Variants in SURF4 observed in about 807,000 individuals in gnomAD.
SURF4 encodes surfeit locus protein 4.
SURF4 carries 3 observed loss-of-function variants against 30.0 expected under a neutral mutation model. The ratio of observed to expected loss-of-function variants is 0.10; its 90% confidence interval spans 0.05 to 0.26. The LOEUF is 0.26. SURF4 is among the 10% of genes least tolerant of loss of function. The pLI, the probability that SURF4 is intolerant of heterozygous loss-of-function variation, is 1.00. For synonymous variants in SURF4, 143 were observed against 139.9 expected (o/e 1.02, Z -0.16); for missense variants, 217 against 350.8 (o/e 0.62, Z 3.05).
At chr9:133,377,929 C>G (rs1172435849), upstream of SURF4, among the ~76,000 whole-genome samples, 1 of 152,172 alleles carries the variant, frequency 6.6e-6, no homozygotes, top group Non-Finnish European at 1.5e-5. Context: ...GAGACAGTGA[C>G]GGATCATCAG....
At chr9:133,365,162 A>G (rs1837092351) in intron 4 of SURF4, 136 bp from the exon 5 acceptor site, 1 of 796,040 alleles carries the variant, frequency 1.3e-6, no homozygotes, top group South Asian at 1.9e-5. Context: ...TGATCTGCCA[A>G]GCAGGACCAG....
In SURF4 at chr9:133,367,251, C is replaced by T. The variant is rs1332248409; in HGVS notation, c.235+8G>A. On this transcript the variant is annotated splice_region_variant and intron_variant, in intron 2 of 5. Transcript: ENST00000371989. The stretch of plus-strand genomic sequence containing the variant: ...CAGTGAATCCTGACCACCCGCAGAG[C>T]CACTCACTCAGCTGTCCCAGCAAGT... 3.7e-6 allele frequency: 6 copies of T among 1,612,814 alleles called. No individual in the cohort carries two copies. In the African/African-American group the frequency reaches 8.0e-5, roughly 22 times the overall value.
intron 1 of SURF4, among the ~76,000 whole-genome samples, chr9:133,373,763 C>T (rs2119175908): frequency 6.6e-6 from 1 of 150,640 alleles, no homozygotes; most frequent in Admixed American, 6.6e-5. Context: ...ACTAAAAATA[C>T]AAAAAAATTA....
chr9:133,366,754 C>A (rs2130132638), intron 2 of SURF4, 79 bp from the exon 3 acceptor site: 93 of 1,379,422 alleles, frequency 6.7e-5, no homozygotes, highest in Admixed American at 2.3e-4. Flanking sequence ...TGCTACCTCA[C>A]CTGGCCCTTA....
chr9:133,376,565 C>A (rs2130249494), upstream of SURF4: 2 of 1,589,484 alleles, frequency 1.3e-6, no homozygotes, highest in East Asian at 2.3e-5. Context: ...TACCAGGTGC[C>A]GAGTGTTCCC....
At chr9:133,367,195 C>T in intron 2 of SURF4, 64 bp downstream of exon 2, 1 of 1,571,470 alleles carries the variant, frequency 6.4e-7, no homozygotes, top group Non-Finnish European at 8.7e-7. Context: ...ACACAGCCTC[C>T]CAACTGCTAA....
chr9:133,377,742 A>G (rs1413085848), upstream of SURF4, among the ~76,000 whole-genome samples: 1 of 152,106 alleles, frequency 6.6e-6, no homozygotes, highest in African/African-American at 2.4e-5. Flanking sequence ...TTTTCCACAG[A>G]TGGAGGCGGG....
intron 1 of SURF4, chr9:133,375,375 A>G: frequency 1.1e-5 from 11 of 985,760 alleles, no homozygotes; most frequent in Non-Finnish European, 1.2e-5. Context: ...AGGGACCCCA[A>G]GAGTCCAGCA....
Position 133,363,656 on chromosome 9 carries a change from T to A in SURF4, c.647A>T (p.Asn216Ile). 6.2e-7 allele frequency: 1 copy of A among 1,614,224 alleles called. No individual in the cohort carries two copies. Among genetic ancestry groups the A allele is most frequent in the Non-Finnish European group, 8.5e-7 (1 of 1,180,038 alleles). ...LTLVVWLFAINVYFNAFWTIP... is the reference protein window; with the variant it reads ...LTLVVWLFAIIVYFNAFWTIP... ...GGTCCAGAAGGCGTTGAAATATACG[T>A]TGATGGCAAAGAGCCACACAACAAG... is the stretch of plus-strand genomic sequence containing the variant. Residue 216 changes from asparagine (N) to isoleucine (I), a missense_variant, in exon 6 of 6, where the codon AAC becomes ATC. Asn to Ile is a moderately radical substitution (Grantham distance 149). Transcript: ENST00000371989. This position sits in a 1 kb window ranked among gnomAD's most constrained non-coding sequence, Gnocchi z 4.3.
chr9:133,364,884 G>C lies in SURF4; in HGVS notation c.499C>G (p.Leu167Val), dbSNP rs2130110928. 1 of 1,614,124 alleles carries C rather than the reference G, an allele frequency of 6.2e-7. No individual in the cohort carries two copies. Among genetic ancestry groups the C allele is most frequent in the Non-Finnish European group, 8.5e-7 (1 of 1,180,014 alleles). ...MQLGGRVLLV[L>V]MFMTLLHFDA... ...AAGTGAAGGAGGGTCATGAACATCA[G>C]AACCAGCAAGACCCTGCCTCCGAGC... Residue 167 changes from leucine to valine, a missense_variant, in exon 5 of 6, where the codon CTG becomes GTG. Leu to Val is a conservative substitution (Grantham distance 32). Transcript: ENST00000371989.
intron 5 of SURF4, among the ~76,000 whole-genome samples, chr9:133,364,362 G>T (rs1837029642): frequency 6.6e-6 from 1 of 152,218 alleles, no homozygotes; most frequent in African/African-American, 2.4e-5. Flanking sequence ...ACACACAAGA[G>T]ATTGACGATG....
At chr9:133,371,565 C>T (rs1837510216) in intron 1 of SURF4, among the ~76,000 whole-genome samples, 1 of 152,230 alleles carries the variant, frequency 6.6e-6, no homozygotes, top group Non-Finnish European at 1.5e-5. Context: ...CCCCGCTAAC[C>T]ACAACCTCCT....
chr9:133,364,709 G>A, intron 5 of SURF4, 131 bp downstream of exon 5: 4 of 659,310 alleles, frequency 6.1e-6, no homozygotes, highest in East Asian at 6.5e-5. Context: ...AAAAAAAAAA[G>A]TTTGCTCCAT....
upstream of SURF4, chr9:133,376,373 T>G: frequency 7.1e-7 from 1 of 1,410,792 alleles, no homozygotes. Flanking sequence ...CCTGAGTGCC[T>G]CGAGGGCGCC....
upstream of SURF4, chr9:133,376,207 C>T (rs1837930706): frequency 7.8e-7 from 1 of 1,278,514 alleles, no homozygotes; most frequent in Non-Finnish European, 9.8e-7. Flanking sequence ...GACCCATCCG[C>T]TCGAAGCCAC....
intron 1 of SURF4, 89 bp from the exon 2 acceptor site, chr9:133,367,534 G>C (rs2130145346): frequency 6.3e-7 from 1 of 1,587,564 alleles, no homozygotes; most frequent in East Asian, 2.3e-5. Flanking sequence ...GGGTGTGTGA[G>C]GAACAGACGC....
Position 133,363,766 on chromosome 9 carries a change from A to AG in SURF4, c.544-8dup. The AG allele has an allele frequency of 6.2e-7, 1 of 1,613,694 alleles. No individual in the cohort carries two copies. Among genetic ancestry groups the AG allele is most frequent in the Non-Finnish European group, 8.5e-7 (1 of 1,179,678 alleles). On this transcript the variant is annotated splice_region_variant and splice_polypyrimidine_tract_variant and intron_variant, in intron 5 of 5. Coordinates refer to ENST00000371989, the MANE Select transcript of SURF4 (RefSeq NM_033161.4). The surrounding 1 kb of genome is among the most constrained non-coding windows in gnomAD (Gnocchi z 4.3). ...CCACGATGTTCTGGACAATCTGCATAGGTTGAAACGTAAGAAATTCAAAAT... is the reference window on the plus strand; with the variant it reads ...CCACGATGTTCTGGACAATCTGCATAGGGTTGAAACGTAAGAAATTCAAAAT...
chr9:133,363,609 G>T lies in SURF4; in HGVS notation c.694C>A (p.His232Asn). 1 of 1,614,198 alleles carries T rather than the reference G, an allele frequency of 6.2e-7. No individual in the cohort carries two copies. ...FWTIPVYKPM[H>N]DFLKYDFFQT... ...AAGAAGTCGTATTTCAGGAAGTCAT[G>T]CATGGGCTTGTAGACTGGAATGGTC... The change falls in exon 6 of 6, where the codon CAT (histidine) becomes AAT (asparagine). Residue 232 changes from histidine (H) to asparagine (N), a missense_variant. By Grantham distance (68) the His-to-Asn change is moderately conservative. Transcript: ENST00000371989. This position sits in a 1 kb window ranked among gnomAD's most constrained non-coding sequence, Gnocchi z 4.3.
In SURF4 at chr9:133,375,987, C is replaced by G; in HGVS notation, c.-18G>C. The G allele has an allele frequency of 1.6e-6, 2 of 1,224,966 alleles. No individual in the cohort carries two copies. The highest frequency in any genetic ancestry group is 2.0e-6 in the Non-Finnish European group (2 of 980,900). The allele number at this position is 1,224,966 out of a possible 1,614,324, so 75.9% of individuals were successfully genotyped here. On this transcript the variant is annotated 5_prime_UTR_variant, in exon 1 of 6. Coordinates refer to ENST00000371989, the MANE Select transcript of SURF4 (RefSeq NM_033161.4). ...TGGCCCATGGCGACGGCGGGAGGCT[C>G]GGCTCGGCTCGCTCGCTCGCTCGCT...
Sources: allele counts gnomAD v4.1 joint callset (sites outside exome capture counted in the v4.1 genomes callset), GRCh38; gene constraint gnomAD v4.1.1; non-coding constraint Gnocchi (gnomAD v3.1); transcripts MANE v1.5; gene names NCBI Gene and HGNC (gene_info 2026-07-23, HGNC 2026-07-21).